QARS1: variants seen among roughly 807,000 people sequenced by gnomAD.
The protein encoded by QARS1 is glutamine--tRNA ligase.
QARS1 carries 79 observed loss-of-function variants against 106.9 expected under a neutral mutation model. The observed-to-expected ratio is 0.74, with a 90% CI of 0.62 to 0.89. The LOEUF is 0.89. Ranked by LOEUF, QARS1 falls within the 40% of genes least tolerant of loss-of-function variation. The pLI, the probability that QARS1 is intolerant of heterozygous loss-of-function variation, is 0.00. For missense variants in QARS1, 966 were observed against 997.2 expected, an observed-to-expected ratio of 0.97 and a Z score of 0.42; for synonymous variants, 395 against 367.7, an observed-to-expected ratio of 1.07 and a Z score of -0.85.
Position 49,104,376 on chromosome 3 carries a change from G to C in QARS1, c.213C>G (p.Phe71Leu). Residue 71 changes from phenylalanine (F) to leucine (L), a missense_variant, in exon 2 of 24, where the codon TTC (phenylalanine) becomes TTG (leucine). Coordinates refer to ENST00000306125, the MANE Select transcript of QARS1 (RefSeq NM_005051.3). ...TCTTACTGGCTATGTAGCTTACAAGGAAGGAGAGACGCCGGGTATCCCTGA... is the reference window on the plus strand; with the variant it reads ...TCTTACTGGCTATGTAGCTTACAAGCAAGGAGAGACGCCGGGTATCCCTGA... ...SRLRDTRRLS[F>L]LVSYIASKKI... 1 of 1,614,232 alleles carries C rather than the reference G, an allele frequency of 6.2e-7. No homozygotes were observed. Among genetic ancestry groups the C allele is most frequent in the South Asian group, 1.1e-5 (1 of 91,088 alleles).
intron 10 of QARS1, 32 bp from the exon 11 acceptor site, chr3:49,100,706 C>G: frequency 1.4e-6 from 2 of 1,438,066 alleles, no homozygotes; most frequent in Non-Finnish European, 2.0e-6. Context: ...TGAACTCCCA[C>G]ATCATCCATC....
chr3:49,099,054 C>G, intron 18 of QARS1, 56 bp downstream of exon 18: 3 of 1,613,444 alleles, frequency 1.9e-6, no homozygotes, highest in Non-Finnish European at 2.5e-6. Flanking sequence ...TGCCCAGAGC[C>G]AAGTGTACCC....
Position 49,100,422 on chromosome 3 carries a change from T to C in QARS1, c.1013A>G (p.Tyr338Cys), listed in dbSNP as rs1174267054. Reference sequence around the variant, plus strand: ...AGCCCACGCATATAGCTGGTCAAAATAGTCAGACGCATATGTGACTTTGTA... The same window carrying C: ...AGCCCACGCATATAGCTGGTCAAAACAGTCAGACGCATATGTGACTTTGTA... Reference protein sequence around the residue: ...TPYKVTYASDYFDQLYAWAVE... With the variant: ...TPYKVTYASDCFDQLYAWAVE... The change falls in exon 12 of 24, where the codon TAT becomes TGT. Residue 338 changes from tyrosine (Y) to cysteine (C), a missense_variant. Physicochemically the swap from Tyr to Cys is radical, Grantham distance 194 (BLOSUM62 -2). Coordinates refer to ENST00000306125, the MANE Select transcript of QARS1 (RefSeq NM_005051.3). The C allele has an allele frequency of 1.2e-6, 2 of 1,614,206 alleles. No homozygotes were observed. The highest frequency in any genetic ancestry group is 1.7e-6 in the Non-Finnish European group (2 of 1,180,048).
chr3:49,099,128 GGT>G lies in QARS1; in HGVS notation c.1738_1739del (p.Thr580GlnfsTer18). 1 of 1,614,148 alleles carries G rather than the reference GGT, an allele frequency of 6.2e-7. No homozygotes were observed. Among genetic ancestry groups the G allele is most frequent in the Non-Finnish European group, 8.5e-7 (1 of 1,180,012 alleles). On this transcript the variant is annotated frameshift_variant, in exon 18 of 24. Coordinates refer to ENST00000306125, the MANE Select transcript of QARS1 (RefSeq NM_005051.3). LOFTEE classifies it high-confidence loss of function. ...GGCCCACCTTGGCAGCAGGAAAGTT[GGT>G]GATGATGACCCGTAGTGACTCCAGC... is the stretch of plus-strand genomic sequence containing the variant. ...AVLESLRVII[T>X]NFPAAKSLDI...
At chr3:49,097,705 A>T (rs918764376) in intron 23 of QARS1, among the ~76,000 whole-genome samples, 1 of 152,040 alleles carries the variant, frequency 6.6e-6, no homozygotes. Context: ...CTGAGGCAGG[A>T]GAATCACTTG....
chr3:49,098,279 A>G (rs769524709), intron 21 of QARS1, 21 bp from the exon 22 acceptor site: 1 of 1,614,246 alleles, frequency 6.2e-7, no homozygotes, highest in East Asian at 2.2e-5. Flanking sequence ...AGTGAAGGTC[A>G]TACCCCCAGC....
Position 49,101,385 on chromosome 3 carries a change from T to C in QARS1, c.846A>G (p.Lys282=). 6.2e-7 allele frequency: 1 copy of C among 1,614,102 alleles called. No homozygotes were observed. The change falls in exon 10 of 24, where the codon AAA becomes AAG. Residue 282 remains lysine, a synonymous_variant. Coordinates refer to ENST00000306125, the MANE Select transcript of QARS1 (RefSeq NM_005051.3). ...PNGILHIGHA[K]AINFNFGYAK... is the part of the protein sequence containing the mutation. ...CATAGCCAAAGTTGAAATTGATGGCTTTGGCATGTCCAATATGCAGGATTC... is the reference window on the plus strand; with the variant it reads ...CATAGCCAAAGTTGAAATTGATGGCCTTGGCATGTCCAATATGCAGGATTC...
rs994200562 is a variant in QARS1 at position 49,099,718 on chromosome 3, G to C, written c.1388+43C>G. 4.3e-6 allele frequency: 7 copies of C among 1,613,374 alleles called. No individual in the cohort carries two copies. In the South Asian group the frequency reaches 7.7e-5, roughly 18 times the overall value. ...GCAGAGACCACAGGAAGGGCTGCTGGAATTCCACTGGCCCTACCACCCCAT... is the reference window on the plus strand; with the variant it reads ...GCAGAGACCACAGGAAGGGCTGCTGCAATTCCACTGGCCCTACCACCCCAT... On this transcript the variant is annotated intron_variant, in intron 15 of 23. Transcript: ENST00000306125.
chr3:49,097,526 G>C lies in QARS1; in HGVS notation c.2277+466C>G, dbSNP rs535500343. Among the ~76,000 whole-genome samples the C allele has an allele frequency of 4.1e-4, 62 of 151,718 alleles. 1 individual carries two copies. The South Asian group carries it at 0.012, about 30-fold the overall frequency. ...AAAAAAAAAAAAGAGGTCGGGTGCA[G>C]TGGCTCATGACTGTGATCCCAGCAC... On this transcript the variant is annotated intron_variant, in intron 23 of 23. Coordinates refer to ENST00000306125, the MANE Select transcript of QARS1 (RefSeq NM_005051.3).
chr3:49,104,253 A>G (rs2107113557), intron 2 of QARS1, 71 bp downstream of exon 2: 1 of 1,587,208 alleles, frequency 6.3e-7, no homozygotes, highest in South Asian at 1.1e-5. Flanking sequence ...GGACTTGGCA[A>G]AAAGGGAAGA....
chr3:49,099,875 C>A, intron 14 of QARS1, 22 bp from the exon 15 acceptor site: 1 of 1,613,926 alleles, frequency 6.2e-7, no homozygotes, highest in Non-Finnish European at 8.5e-7. Flanking sequence ...AGGCAGTGGG[C>A]CCTACCATCC....
intron 18 of QARS1, 59 bp from the exon 19 acceptor site, chr3:49,099,048 C>T (rs1200452848): frequency 1.2e-6 from 2 of 1,613,406 alleles, no homozygotes; most frequent in African/African-American, 2.7e-5. Context: ...CCCCCATGCC[C>T]AGAGCCAAGT....
intron 4 of QARS1, 58 bp from the exon 5 acceptor site, chr3:49,103,467 C>A: frequency 6.2e-7 from 1 of 1,606,574 alleles, no homozygotes; most frequent in South Asian, 1.1e-5. Context: ...CCCCCCACCT[C>A]TTTCCCAAGG....
At chr3:49,104,204 A>G (rs1157463432) in intron 2 of QARS1, 120 bp downstream of exon 2, 33 of 1,436,016 alleles carry the variant, frequency 2.3e-5, no homozygotes, top group Non-Finnish European at 3.0e-5. Context: ...TCCATGCCTC[A>G]GTGCCTGTGC....
At chr3:49,100,865 C>T (rs2042461599) in intron 10 of QARS1, 191 bp from the exon 11 acceptor site, 1 of 687,046 alleles carries the variant, frequency 1.5e-6, no homozygotes. Context: ...GCCTCAGCTT[C>T]CCAGTAGCTG....
chr3:49,102,319 G>A (rs991452806), intron 6 of QARS1, 54 bp from the exon 7 acceptor site: 38 of 1,613,582 alleles, frequency 2.4e-5, no homozygotes, highest in Non-Finnish European at 3.1e-5. Context: ...CTCTTGGATA[G>A]GGTCTTGGGA....
chr3:49,104,574 C>T (rs1375827118), intron 1 of QARS1, 43 bp downstream of exon 1: 1 of 1,598,088 alleles, frequency 6.3e-7, no homozygotes, highest in Admixed American at 1.7e-5. Flanking sequence ...CGCTGCGTTG[C>T]AGCATGGTCT....
intron 1 of QARS1, 63 bp from the exon 2 acceptor site, chr3:49,104,534 G>A (rs914062809): frequency 1.2e-6 from 2 of 1,604,578 alleles, no homozygotes; most frequent in South Asian, 1.1e-5. Flanking sequence ...CGGGACAAAC[G>A]GGGCAGGTCG....
chr3:49,098,884 C>A lies in QARS1; in HGVS notation c.1863+1G>T. On this transcript the variant is annotated splice_donor_variant, in intron 19 of 23. Transcript: ENST00000306125. LOFTEE classifies it high-confidence loss of function. ...CGGGACCCTCCACCCCCACAATTTA[C>A]CTCCTTGAAGTCAGTCCTCTCAATG... 1 of 1,609,918 alleles carries A rather than the reference C, an allele frequency of 6.2e-7. No individual in the cohort carries two copies. The highest frequency in any genetic ancestry group is 8.5e-7 in the Non-Finnish European group (1 of 1,176,234).
Sources: allele counts gnomAD v4.1 joint callset (sites outside exome capture counted in the v4.1 genomes callset), GRCh38; gene constraint gnomAD v4.1.1; transcripts MANE v1.5; gene names NCBI Gene and HGNC (gene_info 2026-07-23, HGNC 2026-07-21).